LYZL1: variants seen among roughly 807,000 people sequenced by gnomAD.
LYZL1 encodes lysozyme like 1, also known as lysozyme-like protein 1.
LYZL1 carries 16 observed loss-of-function variants against 17.9 expected under a neutral mutation model. The observed-to-expected ratio is 0.90, with a 90% CI of 0.61 to 1.36. The LOEUF (loss-of-function observed/expected upper bound fraction) is 1.36. LYZL1 is among the 40% of genes most tolerant of loss of function. LYZL1 has a pLI of 0.00. For synonymous variants in LYZL1, 58 were observed against 71.8 expected (o/e 0.81, Z 0.97); for missense variants, 149 against 188.4 (o/e 0.79, Z 1.22).
chr10:29,291,667 A>G (rs1374870403), intron 1 of LYZL1, among the ~76,000 whole-genome samples, 176 bp from the exon 2 acceptor site: 1 of 151,992 alleles, frequency 6.6e-6, no homozygotes, highest in Non-Finnish European at 1.5e-5. Context: ...CATTAAGGAA[A>G]CAGCCTTCAG....
chr10:29,294,753 A>T (rs895466779), intron 3 of LYZL1, among the ~76,000 whole-genome samples: 1 of 152,206 alleles, frequency 6.6e-6, no homozygotes, highest in Non-Finnish European at 1.5e-5. Flanking sequence ...TCCTCTCCTT[A>T]TTGAAGGGAG....
chr10:29,308,327 G>C (rs1431662415), intron 3 of LYZL1, among the ~76,000 whole-genome samples: 12 of 152,304 alleles, frequency 7.9e-5, no homozygotes, highest in Middle Eastern at 3.4e-3. Context: ...CACTCTGATG[G>C]GCGGTGCTCA....
At chr10:29,302,002 T>C (rs1275206348) in intron 3 of LYZL1, among the ~76,000 whole-genome samples, 1 of 152,218 alleles carries the variant, frequency 6.6e-6, no homozygotes, top group Non-Finnish European at 1.5e-5. Flanking sequence ...CAAACTTTCG[T>C]ATCTCTCATT....
intron 3 of LYZL1, among the ~76,000 whole-genome samples, chr10:29,305,237 A>G (rs1835574613): frequency 6.6e-6 from 1 of 152,248 alleles, no homozygotes; most frequent in Non-Finnish European, 1.5e-5. Flanking sequence ...TAACTTGAAC[A>G]TGTATCAGGT....
intron 3 of LYZL1, among the ~76,000 whole-genome samples, chr10:29,302,318 G>A (rs1835529915): frequency 6.6e-6 from 1 of 152,170 alleles, no homozygotes; most frequent in African/African-American, 2.4e-5. Context: ...TATTGAAAAA[G>A]AAAAAGAATA....
chr10:29,291,163 G>T (rs1774945), intron 1 of LYZL1, among the ~76,000 whole-genome samples: 31,252 of 152,132 alleles, frequency 0.21, 3,375 homozygotes, highest in Middle Eastern at 0.23. Context: ...CTGACTGGAA[G>T]CCTTACTGAT....
chr10:29,311,306 T>C, downstream of LYZL1: 3 of 1,258,014 alleles, frequency 2.4e-6, no homozygotes, highest in South Asian at 5.1e-5. Context: ...GCTCTAGCCT[T>C]GGAAAAAACA....
At position 29,310,123 on chromosome 10, in the gene LYZL1, T is replaced by A. The variant is rs780708114; in HGVS notation, c.312T>A (p.Asp104Glu). 6.2e-7 allele frequency: 1 copy of A among 1,611,562 alleles called. No individual in the cohort carries two copies. The change falls in exon 4 of 5, where the codon GAT becomes GAA. Residue 104 changes from aspartate (D) to glutamate (E), a missense_variant. Physicochemically the swap from Asp to Glu is conservative, Grantham distance 45 (BLOSUM62 2). Transcript: ENST00000649382. ...TCTCTTTTACAGCCTTGATCACTGA[T>A]GACCTCACAGATGCAATTATCTGTG... ...CHVACSALIT[D>E]DLTDAIICAR...
At chr10:29,315,723 C>A (rs1041994994), downstream of LYZL1, among the ~76,000 whole-genome samples, 1 of 151,594 alleles carries the variant, frequency 6.6e-6, no homozygotes, top group Non-Finnish European at 1.5e-5. Flanking sequence ...GTGGCCTGTG[C>A]CTGTGGTCCC....
intron 3 of LYZL1, among the ~76,000 whole-genome samples, chr10:29,293,328 G>A (rs918538274): frequency 1.8e-4 from 27 of 151,740 alleles, no homozygotes; most frequent in African/African-American, 4.6e-4. Context: ...ATGGAGTCCC[G>A]TTATGGGGTC....
downstream of LYZL1, among the ~76,000 whole-genome samples, chr10:29,312,716 C>A (rs964139766): frequency 1.3e-5 from 2 of 152,126 alleles, no homozygotes; most frequent in Admixed American, 1.3e-4. Flanking sequence ...GATGGCACCC[C>A]CTCCTGGCTC....
At chr10:29,292,773 G>A in intron 3 of LYZL1, 96 bp downstream of exon 3, 1 of 1,520,738 alleles carries the variant, frequency 6.6e-7, no homozygotes. Flanking sequence ...CTAAAATTTG[G>A]AGTTCAGGCT....
chr10:29,312,117 T>C (rs942583847), downstream of LYZL1, among the ~76,000 whole-genome samples: 2 of 152,154 alleles, frequency 1.3e-5, no homozygotes, highest in African/African-American at 2.4e-5. Context: ...CTGGGCAACA[T>C]AGCAAGACCC....
At position 29,310,161 on chromosome 10, in the gene LYZL1, T is replaced by A. The variant is rs1265995542; in HGVS notation, c.350T>A (p.Val117Asp). 1.2e-6 allele frequency: 2 copies of A among 1,611,662 alleles called. No homozygotes were observed. Among genetic ancestry groups the A allele is most frequent in the African/African-American group, 1.3e-5 (1 of 75,004 alleles). The change falls in exon 4 of 5, where the codon GTT becomes GAT. Residue 117 changes from valine to aspartate, a missense_variant. Physicochemically the swap from Val to Asp is radical, Grantham distance 152. Around this residue, in one of 2 missense-constraint regions of LYZL1, gnomAD observed 130 missense variants for 132.5 expected, o/e 0.98. Transcript: ENST00000649382. ...TDAIICARKIVKETQGMNYWQ... is the reference protein window; with the variant it reads ...TDAIICARKIDKETQGMNYWQ... ...GCAATTATCTGTGCCAGGAAAATTG[T>A]TAAAGAGACACAAGGAATGAACTAT...
chr10:29,318,036 A>G (rs1835751077), intron 4 of LYZL1: 1 of 353,996 alleles, frequency 2.8e-6, no homozygotes, highest in Non-Finnish European at 4.0e-6. Context: ...GGACCTGCAG[A>G]CACTTTGAAA....
chr10:29,304,251 G>A (rs572201103), intron 3 of LYZL1, among the ~76,000 whole-genome samples: 3 of 152,278 alleles, frequency 2.0e-5, no homozygotes, highest in East Asian at 1.9e-4. Flanking sequence ...AATGCCTGAT[G>A]TGATGACAGT....
chr10:29,295,926 C>A (rs1835440943), intron 3 of LYZL1, among the ~76,000 whole-genome samples: 1 of 152,176 alleles, frequency 6.6e-6, no homozygotes, highest in African/African-American at 2.4e-5. Flanking sequence ...AGGAACTGAA[C>A]TCTGCCAAAA....
downstream of LYZL1, among the ~76,000 whole-genome samples, chr10:29,312,377 A>ATT (rs59167356): frequency 7.1e-6 from 1 of 140,848 alleles, no homozygotes; most frequent in African/African-American, 2.6e-5. Context: ...GCATTATGAG[A>ATT]TTTTTTTTTT....
At chr10:29,290,343 C>T (rs1350442817) in intron 1 of LYZL1, among the ~76,000 whole-genome samples, 2 of 152,178 alleles carry the variant, frequency 1.3e-5, no homozygotes, top group South Asian at 2.1e-4. Context: ...CAGGAGACAG[C>T]TCTCTTGATC....
Sources: gnomAD v4.1 joint callset for allele counts (sites outside exome capture counted in the v4.1 genomes callset) on GRCh38, gnomAD v4.1.1 for gene constraint, gnomAD v4.1.1 regional missense constraint, MANE v1.5 for transcripts, NCBI Gene and HGNC (gene_info 2026-07-23, HGNC 2026-07-21) for gene names.